ULK4: variants seen among roughly 807,000 people sequenced by gnomAD.
The protein encoded by ULK4 is unc-51 like kinase 4, also known as inactive serine/threonine-protein kinase ULK4.
ULK4 carries 133 observed loss-of-function variants against 160.6 expected under a neutral mutation model. That is an observed-to-expected ratio of 0.83 (90% CI 0.72 to 0.96). The LOEUF (loss-of-function observed/expected upper bound fraction) is 0.96, where lower values mean the gene tolerates loss of function less well. ULK4 is among the 40% of genes least tolerant of loss of function. The probability of loss-of-function intolerance (pLI) is 0.00; values close to 1 mark genes in which losing one functional copy is unlikely to be tolerated. For missense variants in ULK4, 1,580 were observed against 1,499.5 expected (o/e 1.05, Z -0.89); for synonymous variants, 534 against 539.8 (o/e 0.99, Z 0.15).
At chr3:41,486,777 T>A (rs9866304) in intron 32 of ULK4, among the ~76,000 whole-genome samples, 62,226 of 151,922 alleles carry the variant, frequency 0.41, 12,926 homozygotes, top group African/African-American at 0.43. Context: ...GAGGTTATTT[T>A]TCAGTGTTCT....
chr3:41,459,974 A>G (rs1298435586), intron 33 of ULK4, among the ~76,000 whole-genome samples: 3 of 152,202 alleles, frequency 2.0e-5, no homozygotes, highest in African/African-American at 7.2e-5. Flanking sequence ...GGGCTATGAC[A>G]GAAAAATCTC....
intron 21 of ULK4, among the ~76,000 whole-genome samples, chr3:41,763,518 G>A (rs566923480): frequency 1.3e-5 from 2 of 152,318 alleles, no homozygotes; most frequent in South Asian, 4.1e-4. Flanking sequence ...TGAACGCTGT[G>A]TATGTTAGCT....
intron 31 of ULK4, among the ~76,000 whole-genome samples, chr3:41,567,621 T>C (rs371894845): frequency 6.6e-5 from 10 of 151,568 alleles, no homozygotes; most frequent in African/African-American, 2.4e-4. Flanking sequence ...TAATTTTTTG[T>C]TTTGTTTTGT....
chr3:41,741,909 C>T (rs2038251659), intron 22 of ULK4, among the ~76,000 whole-genome samples: 1 of 151,830 alleles, frequency 6.6e-6, no homozygotes, highest in South Asian at 2.1e-4. Context: ...TCTTTATCGC[C>T]TCTCATGTAT....
intron 35 of ULK4, among the ~76,000 whole-genome samples, chr3:41,376,336 C>A (rs2081493409): frequency 1.3e-5 from 2 of 150,118 alleles, no homozygotes; most frequent in Admixed American, 1.3e-4. Context: ...ATGTTTATTG[C>A]AGCACTATTC....
chr3:41,805,206 G>C (rs911024785), intron 19 of ULK4, among the ~76,000 whole-genome samples: 19 of 152,298 alleles, frequency 1.2e-4, no homozygotes, highest in Admixed American at 9.2e-4. Flanking sequence ...CACGTCCCTT[G>C]TAAGTTGGAT....
chr3:41,640,851 A>G (rs2034155977), intron 30 of ULK4, among the ~76,000 whole-genome samples: 2 of 152,210 alleles, frequency 1.3e-5, no homozygotes, highest in African/African-American at 4.8e-5. Context: ...AAATTTTCAA[A>G]ATGTGGGAAG....
At chr3:41,582,516 C>T (rs976309318) in intron 31 of ULK4, among the ~76,000 whole-genome samples, 1 of 152,148 alleles carries the variant, frequency 6.6e-6, no homozygotes, top group East Asian at 1.9e-4. Context: ...GGTACGTCAG[C>T]CTCATGGTCA....
At chr3:41,765,652 C>T (rs1382340655) in intron 21 of ULK4, among the ~76,000 whole-genome samples, 2 of 152,000 alleles carry the variant, frequency 1.3e-5, no homozygotes, top group African/African-American at 2.4e-5. Flanking sequence ...AAAAGACAGA[C>T]TATTCATTAA....
intron 21 of ULK4, among the ~76,000 whole-genome samples, chr3:41,761,269 A>T (rs557513437): frequency 7.9e-4 from 119 of 149,768 alleles, no homozygotes; most frequent in African/African-American, 2.7e-3. Context: ...AAATTTAAAA[A>T]TTAAAAAATA....
chr3:41,560,471 A>G (rs1236752034), intron 32 of ULK4, among the ~76,000 whole-genome samples: 1 of 152,112 alleles, frequency 6.6e-6, no homozygotes, highest in Non-Finnish European at 1.5e-5. Flanking sequence ...CCATTTTCAC[A>G]ATATTGATTC....
chr3:41,951,251 C>T (rs527705386), intron 2 of ULK4, among the ~76,000 whole-genome samples: 6 of 150,078 alleles, frequency 4.0e-5, no homozygotes, highest in African/African-American at 7.3e-5. Flanking sequence ...TCAAATACTA[C>T]CCAAAATCAA....
At chr3:41,444,266 T>C (rs1372159604) in intron 34 of ULK4, among the ~76,000 whole-genome samples, 5 of 152,148 alleles carry the variant, frequency 3.3e-5, no homozygotes, top group African/African-American at 9.6e-5. Context: ...GAAATTAACA[T>C]TGGGCATTTG....
chr3:41,477,223 C>T (rs184257275), intron 32 of ULK4, among the ~76,000 whole-genome samples: 17 of 152,276 alleles, frequency 1.1e-4, no homozygotes, highest in Admixed American at 3.3e-4. Context: ...AGGAGTCTCT[C>T]CGTAAGTTAT....
chr3:41,734,145 AGCAAATAAGAGATGCTATTGG>A (rs1296669890), intron 22 of ULK4, among the ~76,000 whole-genome samples: 1 of 152,184 alleles, frequency 6.6e-6, no homozygotes, highest in African/African-American at 2.4e-5. Context: ...CCAGTGTCAG[AGCAAATAAGAGATGCTATTGG>A]CTTGGTTGGG....
chr3:41,453,875 T>C (rs974527826), intron 34 of ULK4, among the ~76,000 whole-genome samples: 7 of 151,804 alleles, frequency 4.6e-5, no homozygotes, highest in Admixed American at 1.3e-4. Context: ...ATGTCCTTTG[T>C]AGGGACATGG....
At chr3:41,799,531 C>T (rs1010544302) in intron 20 of ULK4, among the ~76,000 whole-genome samples, 1 of 152,108 alleles carries the variant, frequency 6.6e-6, no homozygotes, top group Non-Finnish European at 1.5e-5. Flanking sequence ...AAACCCTGTA[C>T]CCTATATACT....
intron 32 of ULK4, among the ~76,000 whole-genome samples, chr3:41,508,167 T>C (rs2085457478): frequency 6.6e-6 from 1 of 152,062 alleles, no homozygotes; most frequent in Admixed American, 6.6e-5. Flanking sequence ...CTGCCAGCTT[T>C]CTCCCACTTC....
chr3:41,858,147 G>GGTT (rs1300896461), intron 17 of ULK4, among the ~76,000 whole-genome samples: 1 of 92,116 alleles, frequency 1.1e-5, no homozygotes, highest in African/African-American at 3.8e-5. Flanking sequence ...TTTTTTGTTT[G>GGTT]TTTTTTTTTT....
Sources: allele counts gnomAD v4.1 joint callset (sites outside exome capture counted in the v4.1 genomes callset), GRCh38; gene constraint gnomAD v4.1.1; transcripts MANE v1.5; gene names NCBI Gene and HGNC (gene_info 2026-07-23, HGNC 2026-07-21).